Variants in ZDHHC22 observed in about 807,000 individuals in gnomAD.
ZDHHC22 encodes zDHHC palmitoyltransferase 22.
In ZDHHC22, 13 loss-of-function variants were observed where a neutral mutation model predicts 17.0. That is an observed-to-expected ratio of 0.76 (90% CI 0.50 to 1.21). The LOEUF (loss-of-function observed/expected upper bound fraction) is 1.21. ZDHHC22 is among the 50% of genes most tolerant of loss of function. The pLI, the probability that ZDHHC22 is intolerant of heterozygous loss-of-function variation, is 0.00. For missense variants in ZDHHC22, 319 were observed against 342.3 expected, an observed-to-expected ratio of 0.93 and a Z score of 0.54; for synonymous variants, 138 against 154.7, an observed-to-expected ratio of 0.89 and a Z score of 0.80.
chr14:77,141,377 C>T (rs1281312809), intron 1 of ZDHHC22: 1 of 152,558 alleles, frequency 6.6e-6, no homozygotes, highest in African/African-American at 2.4e-5. Flanking sequence ...GGAGAAGGGA[C>T]AGCAGAGACC....
Position 77,139,206 on chromosome 14 carries a change from C to T in ZDHHC22, c.526+7G>A, listed in dbSNP as rs2140053918. ...AGAGCCCAACCTGCCCGCCAAGGCC[C>T]ACTCACCGGAGAAGAACTGGCTGAT... On this transcript the variant is annotated splice_region_variant and intron_variant, in intron 2 of 2. Coordinates refer to ENST00000319374, the MANE Select transcript of ZDHHC22 (RefSeq NM_174976.2). 1 of 1,565,682 alleles carries T rather than the reference C, an allele frequency of 6.4e-7. No individual in the cohort carries two copies. The highest frequency in any genetic ancestry group is 8.7e-7 in the Non-Finnish European group (1 of 1,154,204).
rs1271221661 is a variant in ZDHHC22, at chr14:77,133,830, G to C, written c.645C>G (p.Thr215=). 6.2e-7 allele frequency: 1 copy of C among 1,613,806 alleles called. No homozygotes were observed. Among genetic ancestry groups the C allele is most frequent in the Admixed American group, 1.7e-5 (1 of 59,984 alleles). Residue 215 remains threonine (T), a synonymous_variant, in exon 3 of 3, where the codon ACC becomes ACG. Transcript: ENST00000319374. The part of the protein sequence containing the change: ...HQLLLILRGQ[T]RHQVRKGVAV... Reference sequence around the variant, plus strand: ...CCACCCCCTTCCGCACCTGGTGGCGGGTCTGCCCGCGGAGGATCAACAGCA... The same window carrying C: ...CCACCCCCTTCCGCACCTGGTGGCGCGTCTGCCCGCGGAGGATCAACAGCA...
intron 2 of ZDHHC22, among the ~76,000 whole-genome samples, chr14:77,138,428 C>T (rs1331942937): frequency 2.6e-5 from 4 of 152,130 alleles, no homozygotes; most frequent in African/African-American, 4.8e-5. Flanking sequence ...CGTGGTGGCA[C>T]GCACCTGTAA....
Position 77,139,188 on chromosome 14 carries a change from A to C in ZDHHC22, c.526+25T>G, listed in dbSNP as rs1325757106. The C allele has an allele frequency of 3.2e-6, 5 of 1,551,414 alleles. No individual in the cohort carries two copies. The Admixed American group carries it at 9.7e-5, about 30-fold the overall frequency. On this transcript the variant is annotated intron_variant, in intron 2 of 2. Transcript: ENST00000319374. ...GGTGGGAGGTCTTTGTGTAGAGCCCAACCTGCCCGCCAAGGCCCACTCACC... is the reference window on the plus strand; with the variant it reads ...GGTGGGAGGTCTTTGTGTAGAGCCCCACCTGCCCGCCAAGGCCCACTCACC...
chr14:77,132,967 G>C lies in ZDHHC22; in HGVS notation c.*716C>G, dbSNP rs1887061748. ...TGGGGGCTGGAGATCAAGTAGAAAG[G>C]CTGGAAGAGTTCCAGGGACAGGAAG... On this transcript the variant is annotated 3_prime_UTR_variant, in exon 3 of 3. Transcript: ENST00000319374. 6.6e-6 allele frequency: 1 copy of C among 152,168 alleles called. No individual in the cohort carries two copies. Among genetic ancestry groups the C allele is most frequent in the African/African-American group, 2.4e-5 (1 of 41,388 alleles). 9.4% of individuals were successfully genotyped at this position (152,168 alleles called of 1,614,324 possible).
In ZDHHC22 at chr14:77,140,002, G is replaced by T. The variant is rs1210066909; in HGVS notation, c.-14-250C>A. ...GCCTGGGGTTTTGAGCGAGCTCGGCGCCTTGGCGCGGCAGAGTCTGGCACA... is the reference window on the plus strand; with the variant it reads ...GCCTGGGGTTTTGAGCGAGCTCGGCTCCTTGGCGCGGCAGAGTCTGGCACA... On this transcript the variant is annotated intron_variant, in intron 1 of 2. Transcript: ENST00000319374. This position sits in a 1 kb window ranked among gnomAD's most constrained non-coding sequence, Gnocchi z 5.9. Among the ~76,000 whole-genome samples, 1 of 152,186 alleles carries T rather than the reference G, an allele frequency of 6.6e-6. No individual in the cohort carries two copies. The highest frequency in any genetic ancestry group is 6.5e-5 in the Admixed American group (1 of 15,288).
chr14:77,142,138 C>T (rs768752735), upstream of ZDHHC22: 1 of 152,390 alleles, frequency 6.6e-6, no homozygotes, highest in Non-Finnish European at 1.5e-5. Context: ...GTCATCTCCT[C>T]GGAAGGGCTG....
chr14:77,138,027 G>A (rs1213970250), intron 2 of ZDHHC22, among the ~76,000 whole-genome samples: 2 of 152,168 alleles, frequency 1.3e-5, no homozygotes, highest in African/African-American at 4.8e-5. Flanking sequence ...CTGAGTCTCG[G>A]TTTCATCATC....
Position 77,133,875 on chromosome 14 carries a change from G to A in ZDHHC22, c.600C>T (p.Ala200=), listed in dbSNP as rs753037927. Residue 200 remains alanine, a synonymous_variant, in exon 3 of 3, where the codon GCC becomes GCT. Transcript: ENST00000319374. ...YLWFAIGLAC[A]GFCCHQLLLI... ...ACAGCAGCTGGTGGCAGCAGAAGCC[G>A]GCGCAGGCCAGGCCGATGGCGAACC... The A allele has an allele frequency of 2.6e-5, 42 of 1,612,888 alleles. No individual in the cohort carries two copies. Among genetic ancestry groups the A allele is most frequent in the Non-Finnish European group, 3.2e-5 (38 of 1,179,484 alleles).
rs1450278521 is a variant in ZDHHC22 at position 77,139,408 on chromosome 14, AG to A, written c.330del (p.Cys111ValfsTer99). 1 of 1,610,424 alleles carries A rather than the reference AG, an allele frequency of 6.2e-7. No homozygotes were observed. Among genetic ancestry groups the A allele is most frequent in the South Asian group, 1.1e-5 (1 of 90,068 alleles). ...CCGATGCAGTTGCCGGTGAAGAAACAGTGATGGTCGTGCCTCAGGGTGACTC... is the reference window on the plus strand; with the variant it reads ...CCGATGCAGTTGCCGGTGAAGAAACATGATGGTCGTGCCTCAGGGTGACTC... ...CARVTLRHDH[H>X]CFFTGNCIGS... On this transcript the variant is annotated frameshift_variant, in exon 2 of 3. Transcript: ENST00000319374. LOFTEE classifies it high-confidence loss of function.
chr14:77,134,118 C>T (rs555162877), intron 2 of ZDHHC22, among the ~76,000 whole-genome samples, 170 bp from the exon 3 acceptor site: 1 of 152,196 alleles, frequency 6.6e-6, no homozygotes, highest in Non-Finnish European at 1.5e-5. Flanking sequence ...GAAGGAAGAA[C>T]CAGCTGCCCT....
intron 2 of ZDHHC22, among the ~76,000 whole-genome samples, chr14:77,134,283 C>G (rs1461047464): frequency 6.6e-6 from 1 of 152,140 alleles, no homozygotes; most frequent in East Asian, 1.9e-4. Flanking sequence ...GTAGGAGATG[C>G]CTGTCTCTCT....
In ZDHHC22 at chr14:77,133,457, C is replaced by G. The variant is rs368097326; in HGVS notation, c.*226G>C. The G allele has an allele frequency of 4.1e-3, 2,321 of 566,720 alleles. 9 individuals carry two copies. Among genetic ancestry groups the G allele is most frequent in the Middle Eastern group, 5.2e-3 (11 of 2,114 alleles). 35.1% of individuals were successfully genotyped at this position (566,720 alleles called of 1,614,324 possible). A position where few individuals can be genotyped will look rare whatever the true frequency, so the allele number is the denominator to read the frequency against. On this transcript the variant is annotated 3_prime_UTR_variant, in exon 3 of 3. Transcript: ENST00000319374. ...CAGAGGCAGCCTAACAGCTAGCAGC[C>G]ACCTGGCTGGCTCGTGAGGAGCCTA... is the stretch of plus-strand genomic sequence containing the variant.
Position 77,133,279 on chromosome 14 carries a change from T to G in ZDHHC22, c.*404A>C. ...TTGCCAGCCTCTAGGTCCCAGGGAG[T>G]CTCATACCAGCAGCAAGAATCCACT... On this transcript the variant is annotated 3_prime_UTR_variant, in exon 3 of 3. Coordinates refer to ENST00000319374, the MANE Select transcript of ZDHHC22 (RefSeq NM_174976.2). 5.7e-6 allele frequency: 1 copy of G among 173,916 alleles called. No homozygotes were observed. The highest frequency in any genetic ancestry group is 5.8e-5 in the Admixed American group (1 of 17,370). 10.8% of individuals were successfully genotyped at this position (173,916 alleles called of 1,614,324 possible).
intron 1 of ZDHHC22, 126 bp from the exon 2 acceptor site, chr14:77,139,878 C>T: frequency 2.0e-6 from 2 of 1,018,274 alleles, no homozygotes; most frequent in East Asian, 2.7e-5. Context: ...CCCTGTCCCG[C>T]GGATTTCCCC....
Position 77,131,863 on chromosome 14 carries a change from G to C in ZDHHC22, c.*1820C>G, listed in dbSNP as rs1887033357. ...AGTTGGCACTCAATAAATATACGTAGGATGGATGAGTGAAGGAATGAGTAT... is the reference window on the plus strand; with the variant it reads ...AGTTGGCACTCAATAAATATACGTACGATGGATGAGTGAAGGAATGAGTAT... On this transcript the variant is annotated 3_prime_UTR_variant, in exon 3 of 3. Coordinates refer to ENST00000319374, the MANE Select transcript of ZDHHC22 (RefSeq NM_174976.2). The C allele has an allele frequency of 6.6e-6, 1 of 152,240 alleles. No individual in the cohort carries two copies. Among genetic ancestry groups the C allele is most frequent in the Non-Finnish European group, 1.5e-5 (1 of 68,070 alleles). 9.4% of individuals were successfully genotyped at this position (152,240 alleles called of 1,614,324 possible). A position where few individuals can be genotyped will look rare whatever the true frequency, so the allele number is the denominator to read the frequency against.
chr14:77,133,984 T>TGTAA, intron 2 of ZDHHC22, 36 bp from the exon 3 acceptor site: 1 of 1,519,992 alleles, frequency 6.6e-7, no homozygotes, highest in Non-Finnish European at 8.8e-7. Context: ...CCAGAGCCGC[T>TGTAA]TTACACCCAG....
At chr14:77,142,271 A>T (rs1887270719), upstream of ZDHHC22, 2 of 152,330 alleles carry the variant, frequency 1.3e-5, no homozygotes, top group South Asian at 4.1e-4. Context: ...GTGATCTTAG[A>T]TTCCAGTTTC....
At chr14:77,134,012 G>T in intron 2 of ZDHHC22, 64 bp from the exon 3 acceptor site, 1 of 1,477,744 alleles carries the variant, frequency 6.8e-7, no homozygotes, top group South Asian at 1.4e-5. Context: ...GCATAACTGC[G>T]ATCTAGGCAG....
Sources: gnomAD v4.1 joint callset for allele counts (sites outside exome capture counted in the v4.1 genomes callset) on GRCh38, gnomAD v4.1.1 for gene constraint, Gnocchi (gnomAD v3.1) non-coding constraint, MANE v1.5 for transcripts, NCBI Gene and HGNC (gene_info 2026-07-23, HGNC 2026-07-21) for gene names.